GLIS3: variants seen among roughly 807,000 people sequenced by gnomAD.
The protein encoded by GLIS3 is zinc finger protein GLIS3.
A neutral mutation model predicts 78.6 loss-of-function variants in GLIS3; 53 were observed. The ratio of observed to expected loss-of-function variants is 0.67; its 90% CI spans 0.54 to 0.85. The LOEUF is 0.85. GLIS3 is among the 40% of genes least tolerant of loss of function. GLIS3 has a pLI of 0.00. For missense variants in GLIS3, 1,703 were observed against 1,231.1 expected (o/e 1.38, Z -5.74); for synonymous variants, 684 against 509.9 (o/e 1.34, Z -4.60).
At chr9:4,077,678 C>G (rs1394016844) in intron 4 of GLIS3, among the ~76,000 whole-genome samples, 1 of 152,088 alleles carries the variant, frequency 6.6e-6, no homozygotes, top group African/African-American at 2.4e-5. Context: ...CTGTCGGCCT[C>G]TACCAACAGG....
intron 4 of GLIS3, among the ~76,000 whole-genome samples, chr9:3,952,362 C>A (rs987055652): frequency 2.6e-5 from 4 of 152,146 alleles, no homozygotes; most frequent in Admixed American, 2.6e-4. Flanking sequence ...CCCCCAGAGG[C>A]ACCACCACCC....
the GLIS3 span, among the ~76,000 whole-genome samples, chr9:4,372,509 T>G: frequency 6.6e-6 from 1 of 151,074 alleles, no homozygotes; most frequent in African/African-American, 2.4e-5. Flanking sequence ...CTATCTGGCT[T>G]TTACACTTCA....
chr9:3,863,713 G>A (rs1001432996), intron 8 of GLIS3, among the ~76,000 whole-genome samples: 1 of 152,242 alleles, frequency 6.6e-6, no homozygotes, highest in Non-Finnish European at 1.5e-5. Flanking sequence ...ATGAGTGAGT[G>A]AGTGTGAGAA....
chr9:4,201,519 T>C (rs1308538959), intron 2 of GLIS3, among the ~76,000 whole-genome samples: 4 of 152,184 alleles, frequency 2.6e-5, no homozygotes, highest in Non-Finnish European at 5.9e-5. Context: ...CAAAAGTCCG[T>C]AGTGTTTTTA....
intron 4 of GLIS3, among the ~76,000 whole-genome samples, chr9:4,093,658 G>T (rs1179285074): frequency 6.6e-6 from 1 of 152,206 alleles, no homozygotes; most frequent in Non-Finnish European, 1.5e-5. Flanking sequence ...TGGTCTTGAG[G>T]AAGCTTATCA....
intron 4 of GLIS3, among the ~76,000 whole-genome samples, chr9:3,941,983 T>C (rs1056613680): frequency 2.6e-5 from 4 of 152,224 alleles, no homozygotes; most frequent in Non-Finnish European, 5.9e-5. Context: ...CATTAGAGGC[T>C]TTGTGTAAGG....
At chr9:4,236,204 A>AAG (rs1554630097) in intron 2 of GLIS3, among the ~76,000 whole-genome samples, 3,024 of 86,282 alleles carry the variant, frequency 0.035, 33 homozygotes, top group African/African-American at 0.1. Flanking sequence ...AAAAAAAAAA[A>AAG]AAAGAAAGAA....
At chr9:4,438,748 T>C in the GLIS3 span, among the ~76,000 whole-genome samples, 1 of 152,086 alleles carries the variant, frequency 6.6e-6, no homozygotes, top group African/African-American at 2.4e-5. Context: ...TAAATGAGAG[T>C]TCTGCACAAG....
At chr9:3,901,882 A>T (rs1329593569) in intron 6 of GLIS3, among the ~76,000 whole-genome samples, 3 of 152,212 alleles carry the variant, frequency 2.0e-5, no homozygotes, top group Admixed American at 6.5e-5. Flanking sequence ...GGAAAAAAAA[A>T]TTCAAGGCTT....
In GLIS3 at chr9:4,044,358, C is replaced by T. The variant is rs187042732; in HGVS notation, c.1710+73410G>A. 1.3e-4 allele frequency among the ~76,000 whole-genome samples: 20 copies of T among 152,276 alleles called. No homozygotes were observed. In the East Asian group the frequency reaches 2.1e-3, roughly 16 times the overall value. ...TAGGAGATATTAAGTAATCTCCCAA[C>T]GCCCCTTAGCACGTCAACATTTGTT... On this transcript the variant is annotated intron_variant, in intron 4 of 10. Coordinates refer to ENST00000381971, the MANE Select transcript of GLIS3 (RefSeq NM_001042413.2).
intron 4 of GLIS3, among the ~76,000 whole-genome samples, chr9:3,953,824 T>TGTA (rs1554656672): frequency 7.5e-6 from 1 of 133,048 alleles, no homozygotes; most frequent in African/African-American, 2.8e-5. Context: ...TATATATATC[T>TGTA]TCTCCATCTC....
intron 4 of GLIS3, among the ~76,000 whole-genome samples, chr9:4,082,566 T>C (rs1364280630): frequency 6.6e-6 from 1 of 152,204 alleles, no homozygotes; most frequent in Non-Finnish European, 1.5e-5. Flanking sequence ...TTCTCATTTA[T>C]TACACGAAGC....
At chr9:4,314,840 T>A (rs1312384255) in intron 2 of GLIS3, among the ~76,000 whole-genome samples, 1 of 152,192 alleles carries the variant, frequency 6.6e-6, no homozygotes, top group Non-Finnish European at 1.5e-5. Context: ...TGAACCAATC[T>A]GCAAAAGGCA....
At chr9:3,916,905 A>T (rs1454606034) in intron 6 of GLIS3, among the ~76,000 whole-genome samples, 1 of 152,208 alleles carries the variant, frequency 6.6e-6, no homozygotes. Flanking sequence ...TATATTCAAG[A>T]GGGAAACTTG....
chr9:4,415,350 T>C, the GLIS3 span, among the ~76,000 whole-genome samples: 2 of 152,214 alleles, frequency 1.3e-5, no homozygotes, highest in Admixed American at 1.3e-4. Flanking sequence ...AACATTATTT[T>C]TCCAAATGCT....
At chr9:4,196,213 G>C (rs1263836342) in intron 2 of GLIS3, among the ~76,000 whole-genome samples, 1 of 152,200 alleles carries the variant, frequency 6.6e-6, no homozygotes, top group Non-Finnish European at 1.5e-5. Context: ...GCACCAATCA[G>C]CACTCTGTAT....
chr9:4,201,807 C>G (rs988427571), intron 2 of GLIS3, among the ~76,000 whole-genome samples: 1 of 152,160 alleles, frequency 6.6e-6, no homozygotes, highest in Admixed American at 6.5e-5. Flanking sequence ...AAGCTAATAA[C>G]TTCATTTTTC....
chr9:4,159,500 C>G (rs1279419582), intron 2 of GLIS3, among the ~76,000 whole-genome samples: 1 of 152,162 alleles, frequency 6.6e-6, no homozygotes, highest in African/African-American at 2.4e-5. Flanking sequence ...AGGTGGATCA[C>G]TTGAGGTGAG....
intron 8 of GLIS3, among the ~76,000 whole-genome samples, chr9:3,863,083 A>G (rs1278228667): frequency 2.0e-5 from 3 of 152,224 alleles, no homozygotes; most frequent in African/African-American, 7.2e-5. Context: ...TAAGGATTTC[A>G]CATCTGATTT....
Sources: allele counts gnomAD v4.1 joint callset (sites outside exome capture counted in the v4.1 genomes callset), GRCh38; gene constraint gnomAD v4.1.1; transcripts MANE v1.5; gene names NCBI Gene and HGNC (gene_info 2026-07-23, HGNC 2026-07-21).